DLGAP1: variants seen among roughly 807,000 people sequenced by gnomAD.
DLGAP1 encodes disks large-associated protein 1.
A neutral mutation model predicts 90.8 loss-of-function variants in DLGAP1; 11 were observed. The observed-to-expected ratio is 0.12, with a 90% CI of 0.08 to 0.20. The LOEUF (loss-of-function observed/expected upper bound fraction) is 0.20, where lower values mean the gene tolerates loss of function less well. DLGAP1 is among the 10% of genes least tolerant of loss of function. The pLI, the probability that DLGAP1 is intolerant of heterozygous loss-of-function variation, is 1.00. For synonymous variants in DLGAP1, 558 were observed against 540.7 expected (o/e 1.03, Z -0.44); for missense variants, 1,050 against 1,333.8 (o/e 0.79, Z 3.31).
At chr18:4,368,435 C>T (rs1248647159) in intron 1 of DLGAP1, among the ~76,000 whole-genome samples, 5 of 152,036 alleles carry the variant, frequency 3.3e-5, no homozygotes, top group Non-Finnish European at 7.4e-5. Flanking sequence ...GTGGGCGGAC[C>T]TCATCGAATC....
At chr18:3,656,947 T>C (rs1009699002) in intron 7 of DLGAP1, among the ~76,000 whole-genome samples, 9 of 152,112 alleles carry the variant, frequency 5.9e-5, no homozygotes, top group Middle Eastern at 3.4e-3. Context: ...ATGGTTTCAC[T>C]GTATTAGTCA....
At chr18:4,429,166 C>T (rs778922192) in intron 1 of DLGAP1, among the ~76,000 whole-genome samples, 1 of 152,154 alleles carries the variant, frequency 6.6e-6, no homozygotes, top group Non-Finnish European at 1.5e-5. Context: ...TATATAAAGG[C>T]AATTTCTCTT....
At chr18:4,004,088 A>G (rs2074252155) in intron 3 of DLGAP1, among the ~76,000 whole-genome samples, 1 of 152,198 alleles carries the variant, frequency 6.6e-6, no homozygotes, top group Non-Finnish European at 1.5e-5. Context: ...TAGATGGTTC[A>G]TTTGTAAGTT....
intron 3 of DLGAP1, among the ~76,000 whole-genome samples, chr18:3,880,944 GAAAAAA>G (rs1173817359): frequency 3.1e-4 from 12 of 38,360 alleles, no homozygotes; most frequent in South Asian, 1.3e-3. Flanking sequence ...CTCCATCTCA[GAAAAAA>G]AAAAAAAAAA....
At chr18:3,607,954 T>G (rs1414708148) in intron 7 of DLGAP1, 3 of 152,200 alleles carry the variant, frequency 2.0e-5, no homozygotes, top group Non-Finnish European at 4.4e-5. Context: ...AGGGACATCC[T>G]TTTTCTTCCT....
chr18:3,945,891 C>T (rs1324601083), intron 3 of DLGAP1, among the ~76,000 whole-genome samples: 2 of 152,062 alleles, frequency 1.3e-5, no homozygotes, highest in Non-Finnish European at 2.9e-5. Flanking sequence ...GGAATAGATG[C>T]CACTGATAAT....
rs996760395 is a variant in DLGAP1 at position 3,605,498 on chromosome 18, G to C, written c.1592-23250C>G. ...CGTTTGCTGCCTACAAACCAATTTG[G>C]ATAGTTACTTTAAAGTATCTTATCT... On this transcript the variant is annotated intron_variant, in intron 7 of 12. Transcript: ENST00000315677. Among the ~76,000 whole-genome samples, 3 of 152,166 alleles carry C rather than the reference G, an allele frequency of 2.0e-5. No individual in the cohort carries two copies. The South Asian group carries it at 6.2e-4, about 31-fold the overall frequency.
intron 1 of DLGAP1, among the ~76,000 whole-genome samples, chr18:4,223,778 C>T (rs950727131): frequency 2.0e-5 from 3 of 152,124 alleles, no homozygotes; most frequent in Admixed American, 6.6e-5. Context: ...ACTACTATAA[C>T]ATAAAATATC....
intron 1 of DLGAP1, among the ~76,000 whole-genome samples, chr18:4,170,097 C>T (rs2076997909): frequency 6.6e-6 from 1 of 152,112 alleles, no homozygotes; most frequent in African/African-American, 2.4e-5. Context: ...AGGTTGTTTC[C>T]ACCTTCCATC....
chr18:4,336,102 T>C (rs376265250), intron 1 of DLGAP1, among the ~76,000 whole-genome samples: 1 of 152,186 alleles, frequency 6.6e-6, no homozygotes, highest in Non-Finnish European at 1.5e-5. Context: ...CTGCAGTACG[T>C]CTATTACAGT....
intron 1 of DLGAP1, among the ~76,000 whole-genome samples, chr18:4,394,427 C>T (rs745830812): frequency 1.3e-5 from 2 of 152,162 alleles, no homozygotes; most frequent in Non-Finnish European, 2.9e-5. Context: ...AAAGAACTTA[C>T]TTCAAACTAA....
chr18:4,407,474 T>C (rs1335686651), intron 1 of DLGAP1, among the ~76,000 whole-genome samples: 1 of 152,170 alleles, frequency 6.6e-6, no homozygotes, highest in Non-Finnish European at 1.5e-5. Flanking sequence ...GCAAGTAGAG[T>C]AGCAGTAACG....
intron 1 of DLGAP1, among the ~76,000 whole-genome samples, chr18:4,343,299 TC>T (rs2081237802): frequency 7.6e-6 from 1 of 131,286 alleles, no homozygotes; most frequent in Non-Finnish European, 1.6e-5. Context: ...AGAGCAACAC[TC>T]CTTCTCAAAA....
chr18:4,210,505 G>A (rs1262997363), intron 1 of DLGAP1, among the ~76,000 whole-genome samples: 2 of 152,122 alleles, frequency 1.3e-5, no homozygotes, highest in Non-Finnish European at 2.9e-5. Context: ...AAAAGGAAAA[G>A]ACGATTCCAG....
At chr18:3,756,871 C>T (rs2063738633) in intron 5 of DLGAP1, among the ~76,000 whole-genome samples, 1 of 151,988 alleles carries the variant, frequency 6.6e-6, no homozygotes, top group Non-Finnish European at 1.5e-5. Context: ...CCCAAATTAC[C>T]AAAACTGCCT....
At chr18:3,688,659 ACACACACACC>A (rs1304535653) in intron 7 of DLGAP1, among the ~76,000 whole-genome samples, 2 of 94,794 alleles carry the variant, frequency 2.1e-5, no homozygotes, top group Non-Finnish European at 2.3e-5. Context: ...ACACACACAC[ACACACACACC>A]CTACCAAAAA....
chr18:4,147,698 T>C (rs1225931422), intron 2 of DLGAP1, among the ~76,000 whole-genome samples: 2 of 152,068 alleles, frequency 1.3e-5, no homozygotes, highest in Admixed American at 1.3e-4. Flanking sequence ...TAAAAATGCA[T>C]CAAAAATCTT....
intron 4 of DLGAP1, among the ~76,000 whole-genome samples, chr18:3,867,144 G>A (rs558450553): frequency 1.1e-4 from 16 of 152,234 alleles, no homozygotes; most frequent in Non-Finnish European, 1.5e-4. Context: ...GAACCACTGC[G>A]CCCAGCCAGA....
At chr18:4,020,898 G>A (rs1401007870) in intron 2 of DLGAP1, among the ~76,000 whole-genome samples, 1 of 152,162 alleles carries the variant, frequency 6.6e-6, no homozygotes, top group Non-Finnish European at 1.5e-5. Flanking sequence ...CAGTGCTTGA[G>A]TTATTTTGCA....
Sources: allele counts gnomAD v4.1 joint callset (sites outside exome capture counted in the v4.1 genomes callset), GRCh38; gene constraint gnomAD v4.1.1; transcripts MANE v1.5; gene names NCBI Gene and HGNC (gene_info 2026-07-23, HGNC 2026-07-21).